The following BDP1 variants were observed in gnomAD, a reference collection of about 807,000 sequenced individuals.
BDP1 encodes the protein transcription factor TFIIIB component B'' homolog.
In BDP1, 169 loss-of-function variants were observed where a neutral mutation model predicts 266.6. The ratio of observed to expected loss-of-function variants is 0.63; its 90% CI spans 0.56 to 0.72. The LOEUF (loss-of-function observed/expected upper bound fraction) is 0.72, where lower values mean the gene tolerates loss of function less well. Among genes scored for constraint, BDP1 ranks in the 30% least tolerant of loss-of-function variants. The pLI is 0.00. For synonymous variants in BDP1, 1,090 were observed against 1,022.4 expected (o/e 1.07, Z -1.26); for missense variants, 3,015 against 3,053.8 (o/e 0.99, Z 0.30).
chr5:71,549,394 T>A, intron 33 of BDP1, 26 bp from the exon 34 acceptor site: 1 of 1,564,776 alleles, frequency 6.4e-7, no homozygotes, highest in East Asian at 2.2e-5. Context: ...TGAGCTTTTT[T>A]ATTACTAACT....
At chr5:71,559,630 C>T (rs1262160176) in intron 36 of BDP1, among the ~76,000 whole-genome samples, 1 of 152,146 alleles carries the variant, frequency 6.6e-6, no homozygotes, top group Non-Finnish European at 1.5e-5. Context: ...ACTTGAGTTA[C>T]CACCTATATT....
In BDP1 at chr5:71,565,828, A is replaced by G. The variant is rs1168555739; in HGVS notation, c.*943A>G. ...CTGACTGAAAAATACATATTTTTCT[A>G]ATTCATGGTGATGTAACATTAGTCC... is the stretch of plus-strand genomic sequence containing the variant. On this transcript the variant is annotated 3_prime_UTR_variant, in exon 39 of 39. Transcript: ENST00000358731. 1.3e-5 allele frequency: 2 copies of G among 152,692 alleles called. No homozygotes were observed. Among genetic ancestry groups the G allele is most frequent in the Non-Finnish European group, 2.9e-5 (2 of 68,380 alleles). The allele number at this position is 152,692 out of a possible 1,614,324, so 9.5% of individuals were successfully genotyped here. A position where few individuals can be genotyped will look rare whatever the true frequency, so the allele number is the denominator to read the frequency against.
intron 5 of BDP1, 27 bp from the exon 6 acceptor site, chr5:71,467,327 A>C: frequency 6.5e-7 from 1 of 1,543,454 alleles, no homozygotes; most frequent in Non-Finnish European, 8.9e-7. Context: ...TTTAGTATAC[A>C]TCTATTTAAA....
chr5:71,509,331 G>T, intron 16 of BDP1, 134 bp from the exon 17 acceptor site: 1 of 942,132 alleles, frequency 1.1e-6, no homozygotes, highest in East Asian at 2.7e-5. Context: ...ATTTTACCCA[G>T]CGATTCCTAG....
At chr5:71,547,392 A>T (rs1742412442) in intron 32 of BDP1, among the ~76,000 whole-genome samples, 2 of 152,070 alleles carry the variant, frequency 1.3e-5, no homozygotes, top group Admixed American at 1.3e-4. Context: ...AGATTACTAT[A>T]TAGGTAATAA....
At chr5:71,457,802 T>G (rs1354245957) in intron 1 of BDP1, among the ~76,000 whole-genome samples, 1 of 152,232 alleles carries the variant, frequency 6.6e-6, no homozygotes, top group African/African-American at 2.4e-5. Flanking sequence ...TAATTTTTTA[T>G]AAGTAATTAT....
At chr5:71,574,822 C>A in the BDP1 span, among the ~76,000 whole-genome samples, 2 of 152,198 alleles carry the variant, frequency 1.3e-5, no homozygotes, top group Non-Finnish European at 2.9e-5. Flanking sequence ...TTTGGGAGCA[C>A]AACTACATGG....
intron 16 of BDP1, among the ~76,000 whole-genome samples, chr5:71,505,972 C>T (rs898962508): frequency 6.6e-6 from 1 of 152,192 alleles, no homozygotes; most frequent in African/African-American, 2.4e-5. Flanking sequence ...TTGTTGCCTT[C>T]ACTATTCCTT....
At chr5:71,544,716 A>G (rs1298386830) in intron 31 of BDP1, among the ~76,000 whole-genome samples, 1 of 151,570 alleles carries the variant, frequency 6.6e-6, no homozygotes, top group Admixed American at 6.6e-5. Context: ...CGTCTCTACT[A>G]AAAAATACAA....
At chr5:71,560,355 G>A in intron 37 of BDP1, 118 bp downstream of exon 37, 2 of 1,103,828 alleles carry the variant, frequency 1.8e-6, no homozygotes, top group African/African-American at 1.6e-5. Flanking sequence ...TCCTCCATCA[G>A]TAATGTAAAG....
At chr5:71,543,385 C>T (rs1232379351) in intron 30 of BDP1, among the ~76,000 whole-genome samples, 2 of 152,154 alleles carry the variant, frequency 1.3e-5, no homozygotes, top group Non-Finnish European at 2.9e-5. Flanking sequence ...CACGTGAGCC[C>T]AGGAGTTTTG....
At chr5:71,532,241 G>T in intron 25 of BDP1, 67 bp from the exon 26 acceptor site, 1 of 1,388,484 alleles carries the variant, frequency 7.2e-7, no homozygotes, top group Non-Finnish European at 1.0e-6. Context: ...TATTCATGTT[G>T]AAGATGAGGC....
intron 1 of BDP1, 95 bp from the exon 2 acceptor site, chr5:71,458,478 TACGAGA>T: frequency 1.2e-6 from 1 of 843,250 alleles, no homozygotes; most frequent in South Asian, 2.3e-5. Context: ...TTTTTTTAAT[TACGAGA>T]TTGCAGTTTT....
chr5:71,538,839 G>A (rs1417577381), intron 26 of BDP1, among the ~76,000 whole-genome samples: 5 of 152,164 alleles, frequency 3.3e-5, no homozygotes, highest in Admixed American at 2.6e-4. Context: ...ATAAAGTCAG[G>A]AGCAAGAGAC....
chr5:71,545,193 A>G lies in BDP1; in HGVS notation c.6718A>G (p.Ser2240Gly). 6.2e-7 allele frequency: 1 copy of G among 1,613,926 alleles called. No homozygotes were observed. Among genetic ancestry groups the G allele is most frequent in the Non-Finnish European group, 8.5e-7 (1 of 1,179,964 alleles). ...EPQIKDSKGD[S>G]VLTLPVPEYT... ...CCAGATAAAGGACTCTAAAGGAGACAGTGTGCTTACACTTCCTGTGCCAGA... is the reference window on the plus strand; with the variant it reads ...CCAGATAAAGGACTCTAAAGGAGACGGTGTGCTTACACTTCCTGTGCCAGA... Residue 2240 changes from serine to glycine, a missense_variant, in exon 32 of 39, where the codon AGT becomes GGT. This residue lies in a region of BDP1 where 629 missense variants were observed against 632.5 expected (regional missense o/e 0.99). Coordinates refer to ENST00000358731, the MANE Select transcript of BDP1 (RefSeq NM_018429.3).
rs528822730 is a variant in BDP1 at position 71,539,680 on chromosome 5, T to C, written c.6022+31T>C. On this transcript the variant is annotated intron_variant, in intron 28 of 38. Coordinates refer to ENST00000358731, the MANE Select transcript of BDP1 (RefSeq NM_018429.3). ...AATGAAAGCTAAGTCCTATCAAAAA[T>C]AGAAACTTTTAAAACCTAACTTAAG... is the stretch of plus-strand genomic sequence containing the variant. The C allele has an allele frequency of 6.1e-6, 9 of 1,486,014 alleles. No individual in the cohort carries two copies. The Admixed American group carries it at 1.1e-4, about 19-fold the overall frequency. The allele number at this position is 1,486,014 out of a possible 1,614,324, so 92.1% of individuals were successfully genotyped here.
intron 25 of BDP1, among the ~76,000 whole-genome samples, chr5:71,525,129 T>C (rs1265052871): frequency 1.3e-5 from 2 of 152,354 alleles, no homozygotes; most frequent in Non-Finnish European, 1.5e-5. Flanking sequence ...CATCATGGCC[T>C]GTTCTCAATG....
At chr5:71,523,569 C>T (rs1765619196) in intron 24 of BDP1, among the ~76,000 whole-genome samples, 1 of 152,200 alleles carries the variant, frequency 6.6e-6, no homozygotes, top group Non-Finnish European at 1.5e-5. Flanking sequence ...CTGCCTCGTC[C>T]TCCCAAAGTG....
intron 33 of BDP1, 55 bp downstream of exon 33, chr5:71,548,800 C>T: frequency 8.0e-7 from 1 of 1,249,416 alleles, no homozygotes; most frequent in Non-Finnish European, 1.2e-6. Flanking sequence ...TGATTTTTAC[C>T]CCTTATTTAA....
Sources: allele counts gnomAD v4.1 joint callset (sites outside exome capture counted in the v4.1 genomes callset), GRCh38; gene constraint gnomAD v4.1.1; regional missense constraint gnomAD v4.1.1; transcripts MANE v1.5; gene names NCBI Gene and HGNC (gene_info 2026-07-23, HGNC 2026-07-21).